DST: variants seen among roughly 807,000 people sequenced by gnomAD.
DST encodes the protein bullous pemphigoid antigen.
A neutral mutation model predicts 875.2 loss-of-function variants in DST; 253 were observed. The ratio of observed to expected loss-of-function variants is 0.29; its 90% CI spans 0.26 to 0.32. The LOEUF (loss-of-function observed/expected upper bound fraction) is 0.32, where lower values mean the gene tolerates loss of function less well. Ranked by LOEUF, DST falls within the 10% of genes least tolerant of loss-of-function variation. DST has a pLI of 1.00. For synonymous variants in DST, 3,124 were observed against 3,197.1 expected (o/e 0.98, Z 0.77); for missense variants, 8,287 against 9,111.6 (o/e 0.91, Z 3.68).
chr6:56,859,245 C>T (rs1249538042), intron 3 of DST, among the ~76,000 whole-genome samples: 2 of 152,226 alleles, frequency 1.3e-5, no homozygotes, highest in African/African-American at 4.8e-5. Context: ...ACTCTGTGGT[C>T]TCTTTCCACT....
At chr6:56,944,109 CCT>C (rs1343198591) in intron 2 of DST, among the ~76,000 whole-genome samples, 1 of 151,914 alleles carries the variant, frequency 6.6e-6, no homozygotes, top group African/African-American at 2.4e-5. Context: ...AGAGAGAGAC[CCT>C]GTCTCAAATA....
At chr6:56,878,097 G>C (rs1229434273) in intron 3 of DST, among the ~76,000 whole-genome samples, 1 of 152,162 alleles carries the variant, frequency 6.6e-6, no homozygotes, top group African/African-American at 2.4e-5. Flanking sequence ...AACCATCTGT[G>C]ACAACCACGT....
In DST at chr6:56,508,571, T is replaced by C. The variant is rs1438364008; in HGVS notation, c.19197A>G (p.Gly6399=). 2.5e-6 allele frequency: 4 copies of C among 1,613,882 alleles called. No homozygotes were observed. Among genetic ancestry groups the C allele is most frequent in the Non-Finnish European group, 2.5e-6 (3 of 1,179,800 alleles). Residue 6399 remains glycine, a synonymous_variant, in exon 75 of 104, where the codon GGA becomes GGG. Transcript: ENST00000680361. The stretch of plus-strand genomic sequence containing the variant: ...GTTGTTTTACTACTGAAGGATCAAT[T>C]CCAGGATCTTCCAGGTCCCGGATGA... ...QDFIRDLEDP[G]IDPSVVKQQQ...
At chr6:56,525,374 C>T (rs1270858115) in intron 69 of DST, among the ~76,000 whole-genome samples, 1 of 152,166 alleles carries the variant, frequency 6.6e-6, no homozygotes, top group Non-Finnish European at 1.5e-5. Context: ...CCCTCCTTCA[C>T]AAAAATTTCT....
At chr6:56,701,809 G>T in intron 8 of DST, 79 bp downstream of exon 8, 1 of 873,694 alleles carries the variant, frequency 1.1e-6, no homozygotes, top group Non-Finnish European at 1.8e-6. Flanking sequence ...ATTTAACCTT[G>T]TCATTCCTTG....
intron 49 of DST, among the ~76,000 whole-genome samples, chr6:56,585,463 C>T (rs930379807): frequency 1.6e-4 from 25 of 151,764 alleles, no homozygotes; most frequent in Admixed American, 6.6e-4. Context: ...TTTTTTATTG[C>T]GTCTATTTGA....
chr6:56,726,566 T>C (rs1048981275), intron 5 of DST, among the ~76,000 whole-genome samples: 3 of 152,206 alleles, frequency 2.0e-5, no homozygotes, highest in Non-Finnish European at 4.4e-5. Flanking sequence ...GGACAGAACA[T>C]AGCAGTCAGA....
chr6:56,605,437 C>T lies in DST; in HGVS notation c.9191G>A (p.Gly3064Asp), dbSNP rs768959266. The T allele has an allele frequency of 3.1e-6, 5 of 1,612,878 alleles. No homozygotes were observed. The South Asian group carries it at 4.4e-5, about 14-fold the overall frequency. Residue 3064 changes from glycine (G) to aspartate (D), a missense_variant, in exon 40 of 104, where the codon GGT becomes GAT. By Grantham distance (94) the Gly-to-Asp change is moderately conservative. This residue lies in a region of DST where 3,138 missense variants were observed against 3,116.6 expected (regional missense o/e 1.01). Transcript: ENST00000680361. ...YLGEGEVLVE[G>D]LVEEENRHLK... ...ATGCCTATTTTCTTCTTCTACTAGACCTTCTACAAGCACTTCTCCTTCACC... is the reference window on the plus strand; with the variant it reads ...ATGCCTATTTTCTTCTTCTACTAGATCTTCTACAAGCACTTCTCCTTCACC...
intron 37 of DST, among the ~76,000 whole-genome samples, chr6:56,612,901 G>A (rs142463547): frequency 9.1e-4 from 139 of 152,214 alleles, no homozygotes; most frequent in African/African-American, 3.2e-3. Context: ...GTGGTGGCAT[G>A]TGTCTGCAGT....
In DST at chr6:56,639,619, A is replaced by T; in HGVS notation, c.2698-8T>A. 6.2e-7 allele frequency: 1 copy of T among 1,613,784 alleles called. No homozygotes were observed. The highest frequency in any genetic ancestry group is 1.3e-5 in the African/African-American group (1 of 75,018). On this transcript the variant is annotated splice_polypyrimidine_tract_variant and splice_region_variant and intron_variant, in intron 20 of 103. Coordinates refer to ENST00000680361, the MANE Select transcript of DST (RefSeq NM_001374736.1). ...TTGATTCCTGGATGTATTCTTTAGTAAGGAAAATCATCATAAGAATCATGT... is the reference window on the plus strand; with the variant it reads ...TTGATTCCTGGATGTATTCTTTAGTTAGGAAAATCATCATAAGAATCATGT...
Position 56,526,677 on chromosome 6 carries a change from C to G in DST, c.17923-110G>C. 5 of 900,740 alleles carry G rather than the reference C, an allele frequency of 5.6e-6. No individual in the cohort carries two copies. The South Asian group carries it at 9.4e-5, about 17-fold the overall frequency. 55.8% of individuals were successfully genotyped at this position (900,740 alleles called of 1,614,324 possible). A position where few individuals can be genotyped will look rare whatever the true frequency, so the allele number is the denominator to read the frequency against. On this transcript the variant is annotated intron_variant, in intron 68 of 103. Coordinates refer to ENST00000680361, the MANE Select transcript of DST (RefSeq NM_001374736.1). ...AGGCGAATAATGTGATGCTTTGCCC[C>G]ACTCCCCCCCTCCCTTAGTTTCAGT...
chr6:56,880,892 G>C (rs1164953798), intron 3 of DST, among the ~76,000 whole-genome samples: 2 of 135,476 alleles, frequency 1.5e-5, no homozygotes, highest in Non-Finnish European at 3.1e-5. Context: ...TCTGTTGCCA[G>C]GCTAGAGTGC....
At chr6:56,589,968 T>C (rs2098240599) in intron 49 of DST, among the ~76,000 whole-genome samples, 1 of 152,270 alleles carries the variant, frequency 6.6e-6, no homozygotes, top group Admixed American at 6.5e-5. Flanking sequence ...CATGGGTTTA[T>C]ATTATTGTTA....
chr6:56,628,232 G>A (rs2098750004), intron 32 of DST, 71 bp from the exon 33 acceptor site: 2 of 1,365,240 alleles, frequency 1.5e-6, no homozygotes, highest in Admixed American at 3.4e-5. Flanking sequence ...ATGTAGAGAT[G>A]GGAGAGACAA....
At chr6:56,781,311 G>A (rs1053661262) in intron 4 of DST, among the ~76,000 whole-genome samples, 1 of 152,124 alleles carries the variant, frequency 6.6e-6, no homozygotes. Context: ...ACTACCTTGG[G>A]CAGTATGGCC....
chr6:56,725,237 A>C (rs2099446794), intron 5 of DST, among the ~76,000 whole-genome samples: 2 of 152,184 alleles, frequency 1.3e-5, no homozygotes, highest in South Asian at 4.2e-4. Context: ...TGTGTTGCAA[A>C]AAGTAGGAAT....
chr6:56,704,658 C>T (rs1242977485), intron 5 of DST, among the ~76,000 whole-genome samples: 6 of 152,172 alleles, frequency 3.9e-5, no homozygotes, highest in Non-Finnish European at 8.8e-5. Flanking sequence ...TCTTCAAATA[C>T]GGACAATGCC....
At chr6:56,542,268 T>C (rs1467624147) in intron 61 of DST, among the ~76,000 whole-genome samples, 1 of 151,410 alleles carries the variant, frequency 6.6e-6, no homozygotes, top group Non-Finnish European at 1.5e-5. Context: ...TAAACTTGAT[T>C]GAAAAGGCAG....
At chr6:56,652,564 T>C (rs1037398948) in intron 10 of DST, among the ~76,000 whole-genome samples, 4 of 152,226 alleles carry the variant, frequency 2.6e-5, no homozygotes, top group African/African-American at 9.6e-5. Flanking sequence ...GTATACTACT[T>C]GGCAGGCTGC....
Sources: gnomAD v4.1 joint callset for allele counts (sites outside exome capture counted in the v4.1 genomes callset) on GRCh38, gnomAD v4.1.1 for gene constraint, gnomAD v4.1.1 regional missense constraint, MANE v1.5 for transcripts, NCBI Gene and HGNC (gene_info 2026-07-23, HGNC 2026-07-21) for gene names.